XKR9: variants seen among roughly 807,000 people sequenced by gnomAD.
XKR9 encodes XK-related protein 9.
A neutral mutation model predicts 32.0 loss-of-function variants in XKR9; 32 were observed. That is an observed-to-expected ratio of 1.00 (90% CI 0.76 to 1.34). XKR9 has a LOEUF of 1.34. XKR9 is among the 40% of genes most tolerant of loss of function. XKR9 has a pLI of 0.00. For synonymous variants in XKR9, 168 were observed against 143.4 expected (o/e 1.17, Z -1.22); for missense variants, 546 against 429.7 (o/e 1.27, Z -2.39).
At chr8:70,684,548 C>G (rs1021748342) in intron 3 of XKR9, among the ~76,000 whole-genome samples, 9 of 144,838 alleles carry the variant, frequency 6.2e-5, no homozygotes, top group African/African-American at 2.2e-4. Context: ...AAATTAAGAT[C>G]AATTAAATAT....
chr8:70,992,738 G>C, the XKR9 span, among the ~76,000 whole-genome samples: 1 of 152,202 alleles, frequency 6.6e-6, no homozygotes, highest in Non-Finnish European at 1.5e-5. Flanking sequence ...CACCCATGCA[G>C]TAGCAGTGTC....
the XKR9 span, among the ~76,000 whole-genome samples, chr8:70,990,946 T>C: frequency 6.6e-6 from 1 of 152,222 alleles, no homozygotes; most frequent in Non-Finnish European, 1.5e-5. Context: ...GAGGTGTGTT[T>C]ATCTAATTTC....
At chr8:71,055,161 C>T in the XKR9 span, among the ~76,000 whole-genome samples, 1 of 152,188 alleles carries the variant, frequency 6.6e-6, no homozygotes, top group Non-Finnish European at 1.5e-5. Flanking sequence ...ACATTTATGA[C>T]ACCAATATAT....
At chr8:70,887,519 A>G in the XKR9 span, among the ~76,000 whole-genome samples, 1 of 152,088 alleles carries the variant, frequency 6.6e-6, no homozygotes, top group Non-Finnish European at 1.5e-5. Flanking sequence ...TTTGGGCAGT[A>G]TGGCCATTTT....
At chr8:70,705,710 A>G (rs1023254184) in intron 3 of XKR9, among the ~76,000 whole-genome samples, 1 of 152,170 alleles carries the variant, frequency 6.6e-6, no homozygotes, top group African/African-American at 2.4e-5. Flanking sequence ...TTTGATGGAA[A>G]TCATTGGAAC....
chr8:70,846,977 T>G, the XKR9 span, among the ~76,000 whole-genome samples: 3 of 152,066 alleles, frequency 2.0e-5, no homozygotes, highest in Admixed American at 1.3e-4. Flanking sequence ...TTAACTGTAC[T>G]TTACACCAAA....
the XKR9 span, among the ~76,000 whole-genome samples, chr8:70,857,520 G>A: frequency 3.3e-5 from 5 of 152,134 alleles, no homozygotes; most frequent in Non-Finnish European, 5.9e-5. Context: ...ATTCACAGCC[G>A]AATTCTACCA....
the XKR9 span, among the ~76,000 whole-genome samples, chr8:70,887,494 G>T: frequency 6.6e-6 from 1 of 151,888 alleles, no homozygotes; most frequent in African/African-American, 2.4e-5. Flanking sequence ...GAATAGCATT[G>T]AATCTATATA....
At position 70,732,786 on chromosome 8, in the gene XKR9, G is replaced by A. The variant is rs566778734; in HGVS notation, c.494-1010G>A. On this transcript the variant is annotated intron_variant, in intron 4 of 4. Coordinates refer to ENST00000408926, the MANE Select transcript of XKR9 (RefSeq NM_001011720.2). ...CTTGTCCTCATTATCTTCATCAATAGATAAATTTTTGTAAATCTGCCTTTC... is the reference window on the plus strand; with the variant it reads ...CTTGTCCTCATTATCTTCATCAATAAATAAATTTTTGTAAATCTGCCTTTC... Among the ~76,000 whole-genome samples, 157 of 152,262 alleles carry A rather than the reference G, an allele frequency of 1.0e-3. 1 individual carries two copies. Among genetic ancestry groups the A allele is most frequent in the Middle Eastern group, 6.8e-3 (2 of 294 alleles).
chr8:71,014,128 G>A, the XKR9 span, among the ~76,000 whole-genome samples: 1 of 152,104 alleles, frequency 6.6e-6, no homozygotes. Flanking sequence ...AAGCTTCCAG[G>A]CATAATGAGA....
At chr8:70,755,427 A>G (rs1455840864) in intron 2 of XKR9, among the ~76,000 whole-genome samples, 2 of 152,200 alleles carry the variant, frequency 1.3e-5, no homozygotes, top group African/African-American at 4.8e-5. Context: ...CCAAAGGACT[A>G]TAAATCATGC....
chr8:70,960,260 A>AT, the XKR9 span, among the ~76,000 whole-genome samples: 11 of 152,064 alleles, frequency 7.2e-5, no homozygotes, highest in South Asian at 8.3e-4. Flanking sequence ...AAAAAAAAAA[A>AT]ATATATTTGC....
the XKR9 span, among the ~76,000 whole-genome samples, chr8:70,993,762 G>T: frequency 6.6e-6 from 1 of 151,676 alleles, no homozygotes; most frequent in African/African-American, 2.4e-5. Flanking sequence ...CTTTAAAATT[G>T]TCAGAATTTT....
At chr8:70,729,553 A>C (rs1182096527) in intron 4 of XKR9, among the ~76,000 whole-genome samples, 1 of 151,920 alleles carries the variant, frequency 6.6e-6, no homozygotes, top group Non-Finnish European at 1.5e-5. Flanking sequence ...CACCTGTCAA[A>C]GTTTTGTAGC....
the XKR9 span, among the ~76,000 whole-genome samples, chr8:70,948,683 G>A: frequency 6.6e-6 from 1 of 152,200 alleles, no homozygotes. Flanking sequence ...TGGAAGGAAT[G>A]CCTGCACACA....
At chr8:70,944,378 C>T in the XKR9 span, among the ~76,000 whole-genome samples, 53 of 152,062 alleles carry the variant, frequency 3.5e-4, no homozygotes, top group East Asian at 6.2e-3. Flanking sequence ...AAAAACAAAA[C>T]GAAACAAACA....
At chr8:70,764,013 G>T (rs748081650) in intron 2 of XKR9, among the ~76,000 whole-genome samples, 1 of 152,182 alleles carries the variant, frequency 6.6e-6, no homozygotes, top group Non-Finnish European at 1.5e-5. Flanking sequence ...TGCTGCGTCT[G>T]TCTCAAGTTT....
the XKR9 span, among the ~76,000 whole-genome samples, chr8:71,056,119 G>C: frequency 6.6e-6 from 1 of 152,190 alleles, no homozygotes; most frequent in East Asian, 1.9e-4. Context: ...AGACCTTATG[G>C]AAGTAGAGCC....
At chr8:70,929,384 T>C in the XKR9 span, among the ~76,000 whole-genome samples, 1 of 152,230 alleles carries the variant, frequency 6.6e-6, no homozygotes, top group African/African-American at 2.4e-5. Context: ...ATTGTATTAC[T>C]TTTCTCTTTC....
Sources: allele counts gnomAD v4.1 joint callset (sites outside exome capture counted in the v4.1 genomes callset), GRCh38; gene constraint gnomAD v4.1.1; transcripts MANE v1.5; gene names NCBI Gene and HGNC (gene_info 2026-07-23, HGNC 2026-07-21).